HIVEP3: variants seen among roughly 807,000 people sequenced by gnomAD.
HIVEP3 encodes the protein transcription factor HIVEP3.
A neutral mutation model predicts 152.8 loss-of-function variants in HIVEP3; 49 were observed. That is an observed-to-expected ratio of 0.32 (90% CI 0.26 to 0.41). HIVEP3 has a LOEUF of 0.41. Ranked by LOEUF, HIVEP3 falls within the 10% of genes least tolerant of loss-of-function variation. The probability of loss-of-function intolerance (pLI) is 1.00; values close to 1 mark genes in which losing one functional copy is unlikely to be tolerated. For synonymous variants in HIVEP3, 1,269 were observed against 1,289.0 expected (o/e 0.98, Z 0.33); for missense variants, 2,790 against 3,103.3 (o/e 0.90, Z 2.40).
chr1:41,724,429 T>C (rs1646722176), intron 1 of HIVEP3, among the ~76,000 whole-genome samples: 1 of 152,210 alleles, frequency 6.6e-6, no homozygotes, highest in Non-Finnish European at 1.5e-5. Context: ...GACCTACTAC[T>C]GCTGCCAAGT....
At chr1:42,033,767 T>C (rs893128832) in intron 1 of HIVEP3, among the ~76,000 whole-genome samples, 5 of 152,208 alleles carry the variant, frequency 3.3e-5, no homozygotes, top group African/African-American at 1.2e-4. Context: ...CAGAATATCA[T>C]ATTGTACAGA....
intron 1 of HIVEP3, among the ~76,000 whole-genome samples, chr1:41,859,436 G>T (rs958273105): frequency 1.3e-5 from 2 of 152,118 alleles, no homozygotes; most frequent in African/African-American, 4.8e-5. Context: ...CAAAAATGGG[G>T]TCATATTCTA....
At chr1:41,701,652 C>T (rs937269320) in intron 1 of HIVEP3, among the ~76,000 whole-genome samples, 4 of 152,218 alleles carry the variant, frequency 2.6e-5, no homozygotes, top group African/African-American at 9.6e-5. Flanking sequence ...TTTCTCCAAA[C>T]TCCTGATGGT....
At chr1:42,023,099 C>T (rs907152849) in intron 1 of HIVEP3, among the ~76,000 whole-genome samples, 12 of 152,104 alleles carry the variant, frequency 7.9e-5, no homozygotes, top group Non-Finnish European at 1.8e-4. Context: ...CTCCACCTCC[C>T]GGGTTCAAGT....
At chr1:41,659,927 C>A (rs1293936932) in intron 2 of HIVEP3, among the ~76,000 whole-genome samples, 1 of 152,236 alleles carries the variant, frequency 6.6e-6, no homozygotes, top group Non-Finnish European at 1.5e-5. Context: ...CTCATAGCTG[C>A]AGCCTAGAAC....
At chr1:41,907,508 G>A (rs988616366) in intron 1 of HIVEP3, among the ~76,000 whole-genome samples, 4 of 152,190 alleles carry the variant, frequency 2.6e-5, no homozygotes, top group Non-Finnish European at 5.9e-5. Context: ...TGGATGAGAA[G>A]TGAACAGAGA....
At chr1:41,633,040 T>C (rs1032893532) in intron 2 of HIVEP3, among the ~76,000 whole-genome samples, 2 of 152,088 alleles carry the variant, frequency 1.3e-5, no homozygotes, top group Non-Finnish European at 2.9e-5. Context: ...AGACTTCTTC[T>C]GGCTGCGGTC....
Position 41,584,559 on chromosome 1 carries a change from G to A in HIVEP3, c.239C>T (p.Pro80Leu). 1.9e-6 allele frequency: 3 copies of A among 1,614,120 alleles called. No homozygotes were observed. The highest frequency in any genetic ancestry group is 2.5e-6 in the Non-Finnish European group (3 of 1,180,012). ...SQEKTGQQQK[P>L]PKRPPIEASV... ...TGCTTCGATGGGGGGCCTTTTGGGG[G>A]GCTTCTGCTGCTGGCCCGTTTTCTC... The change falls in exon 4 of 9, where the codon CCC becomes CTC. Residue 80 changes from proline (P) to leucine (L), a missense_variant. Pro to Leu is a moderately conservative substitution (Grantham distance 98). Coordinates refer to ENST00000372583, the MANE Select transcript of HIVEP3 (RefSeq NM_024503.5). The surrounding 1 kb of genome is among the most constrained non-coding windows in gnomAD (Gnocchi z 5.2).
At chr1:41,768,391 G>A (rs973467445) in intron 1 of HIVEP3, among the ~76,000 whole-genome samples, 1 of 152,174 alleles carries the variant, frequency 6.6e-6, no homozygotes, top group Non-Finnish European at 1.5e-5. Flanking sequence ...CTCCCACCAG[G>A]TTCCTCCCAT....
chr1:41,989,587 A>G (rs1645344679), intron 1 of HIVEP3, among the ~76,000 whole-genome samples: 1 of 152,172 alleles, frequency 6.6e-6, no homozygotes, highest in African/African-American at 2.4e-5. Context: ...GGAAAGGGAA[A>G]AAGGCAGCCC....
At chr1:41,768,981 A>G (rs947789266) in intron 1 of HIVEP3, among the ~76,000 whole-genome samples, 5 of 152,176 alleles carry the variant, frequency 3.3e-5, no homozygotes, top group East Asian at 1.9e-4. Context: ...GCCTTGTGAT[A>G]TTATGAAGCC....
intron 2 of HIVEP3, among the ~76,000 whole-genome samples, chr1:41,658,575 A>AC (rs34006627): frequency 0.045 from 6,697 of 149,072 alleles, 215 homozygotes; most frequent in East Asian, 0.091. Context: ...TTCTCACTTC[A>AC]CCCCCCCCAT....
At chr1:41,572,829 G>A (rs983785298) in intron 5 of HIVEP3, among the ~76,000 whole-genome samples, 2 of 152,220 alleles carry the variant, frequency 1.3e-5, no homozygotes, top group African/African-American at 2.4e-5. Flanking sequence ...ATGGATGCAC[G>A]TCAAAAACAC....
At chr1:41,872,940 G>A (rs1644108060) in intron 1 of HIVEP3, among the ~76,000 whole-genome samples, 2 of 152,196 alleles carry the variant, frequency 1.3e-5, no homozygotes, top group South Asian at 4.1e-4. Flanking sequence ...GTCATATGCT[G>A]TGCATGTTTA....
At chr1:41,572,921 G>A (rs1404012761) in intron 5 of HIVEP3, among the ~76,000 whole-genome samples, 1 of 152,152 alleles carries the variant, frequency 6.6e-6, no homozygotes, top group Non-Finnish European at 1.5e-5. Flanking sequence ...AAATATTTCA[G>A]GTTCTCCCAA....
At chr1:41,518,375 G>C in intron 7 of HIVEP3, 27 bp downstream of exon 7, 3 of 1,587,598 alleles carry the variant, frequency 1.9e-6, no homozygotes, top group Non-Finnish European at 2.6e-6. Context: ...AAGGGGAAAG[G>C]GGACGGAGAA....
chr1:41,510,875 G>A lies in HIVEP3; in HGVS notation c.6797C>T (p.Ser2266Phe). The change falls in exon 9 of 9, where the codon TCC becomes TTC. Residue 2266 changes from serine (S) to phenylalanine (F), a missense_variant. Ser to Phe is a radical substitution (Grantham distance 155). Around this residue, in one of 9 missense-constraint regions of HIVEP3, gnomAD observed 816 missense variants for 806.5 expected, o/e 1.01. Transcript: ENST00000372583. ...GTAGTCCCCGCCCTCCAGCTCTGAG[G>A]AGAGTGTGAATTTGGAGACCTTAGC... is the stretch of plus-strand genomic sequence containing the variant. ...PVAKVSKFTLSSELEGGDYPK... is the reference protein window; with the variant it reads ...PVAKVSKFTLFSELEGGDYPK... 1 of 1,613,472 alleles carries A rather than the reference G, an allele frequency of 6.2e-7. No individual in the cohort carries two copies. The highest frequency in any genetic ancestry group is 1.1e-5 in the South Asian group (1 of 91,084).
At chr1:41,986,165 C>T (rs1645321355) in intron 1 of HIVEP3, among the ~76,000 whole-genome samples, 1 of 152,118 alleles carries the variant, frequency 6.6e-6, no homozygotes, top group Non-Finnish European at 1.5e-5. Context: ...AAGGCCCTTT[C>T]AGAATCTAAT....
intron 1 of HIVEP3, among the ~76,000 whole-genome samples, chr1:41,982,714 A>G (rs1283083199): frequency 1.3e-5 from 2 of 152,164 alleles, no homozygotes; most frequent in Admixed American, 1.3e-4. Flanking sequence ...AGAATTGGTG[A>G]TAGAATAGGA....
Sources: allele counts gnomAD v4.1 joint callset (sites outside exome capture counted in the v4.1 genomes callset), GRCh38; gene constraint gnomAD v4.1.1; regional missense constraint gnomAD v4.1.1; non-coding constraint Gnocchi (gnomAD v3.1); transcripts MANE v1.5; gene names NCBI Gene and HGNC (gene_info 2026-07-23, HGNC 2026-07-21).